Variants in DAB1 observed in about 807,000 individuals in gnomAD.
The protein encoded by DAB1 is disabled homolog 1.
Under a neutral mutation model 64.6 loss-of-function variants are expected in DAB1, and 15 were observed. That is an observed-to-expected ratio of 0.23 (90% CI 0.16 to 0.36). The LOEUF is 0.36. Ranked by LOEUF, DAB1 falls within the 10% of genes least tolerant of loss-of-function variation. DAB1 has a pLI of 1.00. For synonymous variants in DAB1, 235 were observed against 251.9 expected (o/e 0.93, Z 0.64); for missense variants, 596 against 706.7 (o/e 0.84, Z 1.78).
At chr1:58,383,675 A>G (rs916037938) in intron 3 of DAB1, among the ~76,000 whole-genome samples, 26 of 152,162 alleles carry the variant, frequency 1.7e-4, no homozygotes, top group African/African-American at 5.8e-4. Flanking sequence ...TAAAATGACC[A>G]TTCATTTTTT....
chr1:57,468,366 G>A (rs978371025), intron 7 of DAB1, among the ~76,000 whole-genome samples: 1 of 152,188 alleles, frequency 6.6e-6, no homozygotes, highest in Non-Finnish European at 1.5e-5. Flanking sequence ...AATTGACGGA[G>A]TAAGGTTTGT....
intron 2 of DAB1, among the ~76,000 whole-genome samples, chr1:57,198,653 A>T (rs61765565): frequency 0.34 from 44,166 of 129,792 alleles, 7,071 homozygotes; most frequent in Middle Eastern, 0.36. Flanking sequence ...TCTCTCTCAC[A>T]CACACACACA....
intron 4 of DAB1, among the ~76,000 whole-genome samples, chr1:58,163,792 CG>C (rs1308341418): frequency 6.6e-6 from 1 of 152,174 alleles, no homozygotes; most frequent in Non-Finnish European, 1.5e-5. Flanking sequence ...CTGACAGAGA[CG>C]TATTCCTGCC....
At chr1:57,457,596 C>A (rs1686644603) in intron 7 of DAB1, among the ~76,000 whole-genome samples, 1 of 151,970 alleles carries the variant, frequency 6.6e-6, no homozygotes, top group South Asian at 2.1e-4. Flanking sequence ...GAAAGGGAAG[C>A]CAAAAGCCAG....
chr1:58,404,001 G>A (rs1644594800), intron 3 of DAB1, among the ~76,000 whole-genome samples: 1 of 152,186 alleles, frequency 6.6e-6, no homozygotes. Context: ...AGATTCCAAG[G>A]AACATTTGTA....
At chr1:57,898,754 T>C (rs1195432492) in intron 5 of DAB1, among the ~76,000 whole-genome samples, 1 of 152,100 alleles carries the variant, frequency 6.6e-6, no homozygotes, top group African/African-American at 2.4e-5. Context: ...GCTAATAGGA[T>C]TGTGGTGGGA....
At chr1:57,707,759 C>T (rs1433570237) in intron 6 of DAB1, among the ~76,000 whole-genome samples, 1 of 152,136 alleles carries the variant, frequency 6.6e-6, no homozygotes, top group Non-Finnish European at 1.5e-5. Flanking sequence ...CTTAAGAGGG[C>T]TTTCTATGAA....
intron 3 of DAB1, among the ~76,000 whole-genome samples, chr1:58,370,186 G>C (rs1644251613): frequency 2.0e-5 from 3 of 151,990 alleles, no homozygotes; most frequent in Admixed American, 6.6e-5. Flanking sequence ...TTTAAAATTT[G>C]GTGTATTCTT....
At chr1:57,408,793 A>G (rs201659111) in intron 1 of DAB1, among the ~76,000 whole-genome samples, 20 of 152,256 alleles carry the variant, frequency 1.3e-4, no homozygotes, top group South Asian at 8.3e-4. Context: ...CGCTCTATGA[A>G]CAGGTCCTTT....
intron 4 of DAB1, among the ~76,000 whole-genome samples, chr1:57,095,722 G>A (rs912595120): frequency 4.6e-5 from 7 of 152,164 alleles, no homozygotes; most frequent in Non-Finnish European, 7.4e-5. Flanking sequence ...ACTTTGGAGT[G>A]TGAGGCAGGT....
At chr1:58,013,459 G>C (rs1278476960) in intron 5 of DAB1, among the ~76,000 whole-genome samples, 2 of 150,876 alleles carry the variant, frequency 1.3e-5, no homozygotes, top group South Asian at 2.1e-4. Context: ...TGAGCCACAT[G>C]CTCCAAAAAA....
intron 4 of DAB1, among the ~76,000 whole-genome samples, chr1:57,119,596 C>T (rs1656452815): frequency 6.6e-6 from 1 of 152,276 alleles, no homozygotes; most frequent in South Asian, 2.1e-4. Context: ...AAGCCAAAGA[C>T]TCTTGAATGG....
In DAB1 at chr1:57,904,011, A is replaced by G. The variant is rs560468027; in HGVS notation, n.388-19849T>C. Among the ~76,000 whole-genome samples, 14 of 152,342 alleles carry G rather than the reference A, an allele frequency of 9.2e-5. No homozygotes were observed. In the South Asian group the frequency reaches 2.9e-3, roughly 32 times the overall value. On this transcript the variant is annotated intron_variant and non_coding_transcript_variant, in intron 5 of 20. Transcript: ENST00000485760. ...TGTAGCTGAATTTACATTCAAATTC[A>G]TACATCTTCCTTTGTACTTCATGCT...
In DAB1 at chr1:57,478,818, T is replaced by C. The variant is rs560691207; in HGVS notation, n.625+170774A>G. ...GGTTTCACCATGTGTGCCAGGCTTG[T>C]CTCGAACTCCTGACCTCATGATCCA... On this transcript the variant is annotated intron_variant and non_coding_transcript_variant, in intron 7 of 20. Coordinates refer to the DAB1 transcript ENST00000485760. Among the ~76,000 whole-genome samples the C allele has an allele frequency of 3.7e-4, 56 of 151,896 alleles. 1 individual carries two copies. Among genetic ancestry groups the C allele is most frequent in the Non-Finnish European group, 7.2e-4 (49 of 67,982 alleles).
At chr1:58,117,139 T>C (rs145621182) in intron 5 of DAB1, among the ~76,000 whole-genome samples, 103 of 152,312 alleles carry the variant, frequency 6.8e-4, no homozygotes, top group African/African-American at 2.3e-3. Context: ...TGAGTATCAT[T>C]TACTAAGCAA....
At chr1:58,134,783 G>A (rs4912302) in intron 5 of DAB1, among the ~76,000 whole-genome samples, 1 of 151,962 alleles carries the variant, frequency 6.6e-6, no homozygotes, top group Non-Finnish European at 1.5e-5. Context: ...TCACCTCCCA[G>A]CAGGCCCCAC....
intron 5 of DAB1, among the ~76,000 whole-genome samples, chr1:58,012,045 T>C (rs1192937258): frequency 6.6e-6 from 1 of 152,152 alleles, no homozygotes; most frequent in Non-Finnish European, 1.5e-5. Flanking sequence ...TGCTTAGTTA[T>C]ATATTTAACA....
chr1:57,832,178 C>T (rs1652619532), intron 1 of DAB1, among the ~76,000 whole-genome samples: 2 of 152,160 alleles, frequency 1.3e-5, no homozygotes, highest in Admixed American at 6.5e-5. Context: ...TCACAGAAAG[C>T]ATCTTTGAGA....
intron 4 of DAB1, among the ~76,000 whole-genome samples, chr1:57,133,520 G>T (rs748778330): frequency 1.3e-5 from 2 of 152,044 alleles, no homozygotes; most frequent in Admixed American, 6.6e-5. Flanking sequence ...CAATATCTAG[G>T]TATCTAAATG....
Sources: allele counts gnomAD v4.1 joint callset (sites outside exome capture counted in the v4.1 genomes callset), GRCh38; gene constraint gnomAD v4.1.1; transcripts MANE v1.5; gene names NCBI Gene and HGNC (gene_info 2026-07-23, HGNC 2026-07-21).